OR9Q1: variants seen among roughly 807,000 people sequenced by gnomAD.
The protein encoded by OR9Q1 is olfactory receptor family 9 subfamily Q member 1, also known as olfactory receptor 9Q1.
For synonymous variants in OR9Q1, 153 were observed against 148.6 expected (o/e 1.03, Z -0.22); for missense variants, 374 against 378.8 (o/e 0.99, Z 0.11).
chr11:58,149,440 A>G (rs1311862467), intron 2 of OR9Q1, among the ~76,000 whole-genome samples: 2 of 152,192 alleles, frequency 1.3e-5, no homozygotes, highest in Non-Finnish European at 2.9e-5. Flanking sequence ...CTTTGGCAAT[A>G]AAATACACAT....
intron 2 of OR9Q1, among the ~76,000 whole-genome samples, chr11:58,153,448 A>G (rs1429129766): frequency 6.6e-6 from 1 of 152,158 alleles, no homozygotes; most frequent in African/African-American, 2.4e-5. Context: ...GAGCCAAGCA[A>G]ATGAGTGATA....
intron 1 of OR9Q1, among the ~76,000 whole-genome samples, chr11:58,035,676 C>G (rs574222441): frequency 6.6e-6 from 1 of 152,174 alleles, no homozygotes; most frequent in African/African-American, 2.4e-5. Flanking sequence ...TATGGTGCCC[C>G]TCATTGTCAC....
intron 2 of OR9Q1, among the ~76,000 whole-genome samples, chr11:58,080,079 G>T (rs1213679356): frequency 2.0e-5 from 3 of 152,054 alleles, no homozygotes; most frequent in African/African-American, 7.2e-5. Context: ...TGTTACATGG[G>T]TATATTGCAC....
At chr11:58,095,358 T>G (rs190740242) in intron 2 of OR9Q1, among the ~76,000 whole-genome samples, 289 of 152,328 alleles carry the variant, frequency 1.9e-3, no homozygotes, top group Non-Finnish European at 3.2e-3. Context: ...CCACAGAAAT[T>G]AGCCCTCCCT....
chr11:58,157,558 GAGGAAGGA>G (rs145084132), intron 2 of OR9Q1, among the ~76,000 whole-genome samples: 18 of 152,044 alleles, frequency 1.2e-4, no homozygotes, highest in African/African-American at 3.9e-4. Context: ...GGAAAAGACA[GAGGAAGGA>G]AGGAAGGAAG....
At chr11:58,084,237 GT>G (rs1283768673) in intron 2 of OR9Q1, among the ~76,000 whole-genome samples, 2 of 151,736 alleles carry the variant, frequency 1.3e-5, no homozygotes, top group African/African-American at 4.9e-5. Context: ...ATGGGATTAT[GT>G]TCTTAATTTG....
intron 2 of OR9Q1, among the ~76,000 whole-genome samples, chr11:58,081,869 T>C (rs2120043403): frequency 6.6e-6 from 1 of 151,854 alleles, no homozygotes; most frequent in Non-Finnish European, 1.5e-5. Flanking sequence ...AACATTTACA[T>C]TGGCTTTCTT....
intron 2 of OR9Q1, among the ~76,000 whole-genome samples, chr11:58,174,670 AAT>A (rs1026754793): frequency 6.7e-6 from 1 of 149,800 alleles, no homozygotes; most frequent in African/African-American, 2.5e-5. Context: ...GTTAAAAAAA[AAT>A]AAAGTTTACT....
chr11:58,036,461 A>C (rs1853101780), intron 1 of OR9Q1, among the ~76,000 whole-genome samples: 1 of 152,202 alleles, frequency 6.6e-6, no homozygotes, highest in Non-Finnish European at 1.5e-5. Flanking sequence ...TTTTGATTTC[A>C]AGTCTTATTT....
At chr11:58,072,674 A>C (rs1853499408) in intron 2 of OR9Q1, 1 of 155,136 alleles carries the variant, frequency 6.4e-6, no homozygotes, top group East Asian at 1.9e-4. Flanking sequence ...TCCAAATAAC[A>C]TGAGAGTCTC....
At chr11:58,122,351 G>A (rs954355365) in intron 2 of OR9Q1, among the ~76,000 whole-genome samples, 2 of 152,322 alleles carry the variant, frequency 1.3e-5, no homozygotes, top group South Asian at 4.1e-4. Context: ...TCATGGTATG[G>A]TTCAAGCTCT....
intron 1 of OR9Q1, among the ~76,000 whole-genome samples, chr11:58,032,485 T>C (rs537826717): frequency 7.2e-5 from 11 of 152,298 alleles, no homozygotes; most frequent in African/African-American, 2.6e-4. Flanking sequence ...CAACTGATCT[T>C]TGAAAAAGCT....
intron 2 of OR9Q1, among the ~76,000 whole-genome samples, chr11:58,147,150 G>A (rs1480927631): frequency 1.3e-5 from 2 of 152,112 alleles, no homozygotes; most frequent in African/African-American, 4.8e-5. Context: ...TGTTATGTTA[G>A]AGAAAGCTAG....
At chr11:58,163,941 G>A (rs1854477892) in intron 2 of OR9Q1, among the ~76,000 whole-genome samples, 1 of 152,202 alleles carries the variant, frequency 6.6e-6, no homozygotes, top group Non-Finnish European at 1.5e-5. Context: ...TTTTAGAAAT[G>A]GAGATTGAAG....
intron 2 of OR9Q1, among the ~76,000 whole-genome samples, chr11:58,066,040 G>A (rs1853425856): frequency 6.6e-6 from 1 of 152,176 alleles, no homozygotes; most frequent in Non-Finnish European, 1.5e-5. Flanking sequence ...GCCCTGTAGT[G>A]GGTATGACAG....
intron 1 of OR9Q1, among the ~76,000 whole-genome samples, chr11:58,028,065 G>A (rs80020110): frequency 0.04 from 6,056 of 151,204 alleles, 122 homozygotes; most frequent in East Asian, 0.06. Context: ...CAGGCCCTGG[G>A]GCAGATGGTG....
intron 2 of OR9Q1, among the ~76,000 whole-genome samples, chr11:58,099,503 T>C (rs908352536): frequency 6.6e-6 from 1 of 152,008 alleles, no homozygotes; most frequent in Non-Finnish European, 1.5e-5. Context: ...CAAAGTCTCT[T>C]TTGTCTAACA....
intron 2 of OR9Q1, among the ~76,000 whole-genome samples, chr11:58,112,788 G>C (rs1853915539): frequency 6.6e-6 from 1 of 152,106 alleles, no homozygotes; most frequent in Admixed American, 6.6e-5. Flanking sequence ...CCTACATTTG[G>C]ATGTGGCATT....
chr11:58,074,030 A>G (rs766651630), intron 2 of OR9Q1, among the ~76,000 whole-genome samples: 1 of 151,970 alleles, frequency 6.6e-6, no homozygotes, highest in Non-Finnish European at 1.5e-5. Context: ...TATGTGCCAC[A>G]TTTTCTTTAT....
Sources: allele counts gnomAD v4.1 joint callset (sites outside exome capture counted in the v4.1 genomes callset), GRCh38; gene constraint gnomAD v4.1.1; transcripts MANE v1.5; gene names NCBI Gene and HGNC (gene_info 2026-07-23, HGNC 2026-07-21).